ADAMTS19: variants seen among roughly 807,000 people sequenced by gnomAD.
The protein encoded by ADAMTS19 is ADAM metallopeptidase with thrombospondin type 1 motif 19.
ADAMTS19 carries 93 observed loss-of-function variants against 153.3 expected under a neutral mutation model. The ratio of observed to expected loss-of-function variants is 0.61; its 90% CI spans 0.51 to 0.72. The LOEUF is 0.72. Among genes scored for constraint, ADAMTS19 ranks in the 30% least tolerant of loss-of-function variants. ADAMTS19 has a pLI of 0.00. For missense variants in ADAMTS19, 1,482 were observed against 1,552.1 expected (o/e 0.95, Z 0.76); for synonymous variants, 600 against 556.6 (o/e 1.08, Z -1.10).
rs1406783325 is a variant in ADAMTS19, at chr5:129,633,338, CAT to C, written c.1771-8520_1771-8519del. ...TTCAAATTTTATGAAAATCATAACA[CAT>C]GTGTCATCTCAGGTTTGAATTGTTT... On this transcript the variant is annotated intron_variant, in intron 10 of 22. Transcript: ENST00000274487. Among the ~76,000 whole-genome samples the C allele has an allele frequency of 3.9e-5, 6 of 152,246 alleles. No homozygotes were observed. In the East Asian group the frequency reaches 5.8e-4, roughly 15 times the overall value.
Position 129,627,648 on chromosome 5 carries a change from C to T in ADAMTS19, c.1770+5300C>T, listed in dbSNP as rs994538654. On this transcript the variant is annotated intron_variant, in intron 10 of 22. Coordinates refer to ENST00000274487, the MANE Select transcript of ADAMTS19 (RefSeq NM_133638.6). ...TAAAAAGTGGGCAAAGAACAAGAAC[C>T]GACACTTTCCAAAAGACATGCAGCC... 4.6e-5 allele frequency among the ~76,000 whole-genome samples: 7 copies of T among 151,802 alleles called. No homozygotes were observed. The South Asian group carries it at 6.2e-4, about 14-fold the overall frequency.
chr5:129,710,838 A>G (rs1465289611), intron 21 of ADAMTS19, among the ~76,000 whole-genome samples: 1 of 152,224 alleles, frequency 6.6e-6, no homozygotes, highest in African/African-American at 2.4e-5. Context: ...CTGACTAGAT[A>G]ACACTGTTTT....
chr5:129,662,462 G>A (rs1753853695), intron 15 of ADAMTS19, among the ~76,000 whole-genome samples: 1 of 152,074 alleles, frequency 6.6e-6, no homozygotes, highest in Non-Finnish European at 1.5e-5. Flanking sequence ...CTCTCTTCTT[G>A]AAAATCAGTC....
At chr5:129,727,527 G>A (rs1218651185) in intron 21 of ADAMTS19, among the ~76,000 whole-genome samples, 3 of 152,114 alleles carry the variant, frequency 2.0e-5, no homozygotes, top group Non-Finnish European at 2.9e-5. Flanking sequence ...TAACATAAGA[G>A]AAATATTAGC....
chr5:129,583,709 T>C (rs1303270608), intron 7 of ADAMTS19, among the ~76,000 whole-genome samples: 1 of 151,816 alleles, frequency 6.6e-6, no homozygotes, highest in Non-Finnish European at 1.5e-5. Context: ...ATTCAGCTAT[T>C]GATACTTGTG....
intron 2 of ADAMTS19, among the ~76,000 whole-genome samples, chr5:129,462,623 G>A (rs1308186380): frequency 6.7e-6 from 1 of 149,728 alleles, no homozygotes; most frequent in African/African-American, 2.5e-5. Flanking sequence ...GTGTGGGGGG[G>A]TCAAATATGC....
At chr5:129,537,084 A>G (rs1342778425) in intron 6 of ADAMTS19, among the ~76,000 whole-genome samples, 1 of 151,982 alleles carries the variant, frequency 6.6e-6, no homozygotes, top group East Asian at 1.9e-4. Flanking sequence ...AAGAAAAAAG[A>G]AAAAAACAAC....
intron 7 of ADAMTS19, among the ~76,000 whole-genome samples, chr5:129,583,495 T>C (rs925032164): frequency 2.0e-5 from 3 of 152,120 alleles, no homozygotes; most frequent in East Asian, 3.9e-4. Flanking sequence ...GATAATATCC[T>C]GAAGAGCGTT....
At chr5:129,491,510 A>G (rs1166758786) in intron 2 of ADAMTS19, among the ~76,000 whole-genome samples, 2 of 152,070 alleles carry the variant, frequency 1.3e-5, no homozygotes, top group Non-Finnish European at 2.9e-5. Flanking sequence ...GGTTTCTTCT[A>G]TTGTGAATTT....
At chr5:129,648,121 C>A (rs30678) in intron 12 of ADAMTS19, among the ~76,000 whole-genome samples, 25,018 of 152,084 alleles carry the variant, frequency 0.16, 2,307 homozygotes, top group East Asian at 0.3. Context: ...AAGGTTATTT[C>A]TTGAGTAAAT....
At chr5:129,586,450 C>T (rs1040208353) in intron 7 of ADAMTS19, among the ~76,000 whole-genome samples, 5 of 152,186 alleles carry the variant, frequency 3.3e-5, no homozygotes, top group Admixed American at 3.3e-4. Flanking sequence ...AGACTAGCTT[C>T]TATCACTTAG....
At chr5:129,714,781 A>C (rs1270607908) in intron 21 of ADAMTS19, among the ~76,000 whole-genome samples, 4 of 152,212 alleles carry the variant, frequency 2.6e-5, no homozygotes, top group Admixed American at 2.6e-4. Context: ...AATTTTCCTT[A>C]TGAACATTTT....
At chr5:129,484,697 G>A (rs1325158056) in intron 2 of ADAMTS19, among the ~76,000 whole-genome samples, 1 of 151,812 alleles carries the variant, frequency 6.6e-6, no homozygotes, top group Non-Finnish European at 1.5e-5. Flanking sequence ...GGGATTATAA[G>A]CAATATAATA....
chr5:129,716,293 G>A (rs957754354), intron 21 of ADAMTS19, among the ~76,000 whole-genome samples: 2 of 152,048 alleles, frequency 1.3e-5, no homozygotes, highest in Admixed American at 6.5e-5. Context: ...CTGCCTCCTG[G>A]GCTCAAACAA....
At chr5:129,691,454 T>C (rs894292384) in intron 18 of ADAMTS19, among the ~76,000 whole-genome samples, 3 of 152,156 alleles carry the variant, frequency 2.0e-5, no homozygotes, top group Non-Finnish European at 4.4e-5. Context: ...TTGGATGCAT[T>C]GTAGATACTG....
intron 7 of ADAMTS19, among the ~76,000 whole-genome samples, chr5:129,567,377 C>G (rs1461776377): frequency 6.6e-6 from 1 of 151,980 alleles, no homozygotes; most frequent in Non-Finnish European, 1.5e-5. Context: ...CCAACAGATG[C>G]CAATTCTGAG....
At chr5:129,623,262 G>C (rs1332114515) in intron 10 of ADAMTS19, among the ~76,000 whole-genome samples, 1 of 152,090 alleles carries the variant, frequency 6.6e-6, no homozygotes, top group Non-Finnish European at 1.5e-5. Context: ...AAATCTAAAG[G>C]ATGAAGCAAA....
intron 21 of ADAMTS19, among the ~76,000 whole-genome samples, chr5:129,713,148 G>A (rs986419525): frequency 2.6e-4 from 39 of 152,288 alleles, no homozygotes; most frequent in African/African-American, 9.1e-4. Flanking sequence ...TAGAAGGATG[G>A]AGCATACATG....
At chr5:129,691,016 G>C (rs1755309168) in intron 18 of ADAMTS19, among the ~76,000 whole-genome samples, 1 of 152,022 alleles carries the variant, frequency 6.6e-6, no homozygotes, top group Non-Finnish European at 1.5e-5. Context: ...GCAAGTTCTA[G>C]TAATGTGAGG....
Sources: gnomAD v4.1 joint callset for allele counts (sites outside exome capture counted in the v4.1 genomes callset) on GRCh38, gnomAD v4.1.1 for gene constraint, MANE v1.5 for transcripts, NCBI Gene and HGNC (gene_info 2026-07-23, HGNC 2026-07-21) for gene names.